Variants in MICAL3 observed in about 807,000 individuals in gnomAD.
MICAL3 encodes the protein [F-actin]-monooxygenase MICAL3.
In MICAL3, 62 loss-of-function variants were observed where a neutral mutation model predicts 207.4. That is an observed-to-expected ratio of 0.30 (90% CI 0.24 to 0.37). The LOEUF (loss-of-function observed/expected upper bound fraction) is 0.37. MICAL3 is among the 10% of genes least tolerant of loss of function. The pLI is 1.00. For missense variants in MICAL3, 2,368 were observed against 2,635.6 expected (o/e 0.90, Z 2.22); for synonymous variants, 1,077 against 1,069.3 (o/e 1.01, Z -0.14).
At chr22:17,857,189 C>T (rs1267650294) in intron 19 of MICAL3, among the ~76,000 whole-genome samples, 2 of 152,186 alleles carry the variant, frequency 1.3e-5, no homozygotes, top group Non-Finnish European at 2.9e-5. Context: ...CATAGACCCA[C>T]CGCCTGTCAG....
At chr22:18,017,759 T>C (rs919979776) in intron 1 of MICAL3, among the ~76,000 whole-genome samples, 10 of 145,426 alleles carry the variant, frequency 6.9e-5, no homozygotes, top group Non-Finnish European at 1.2e-4. Flanking sequence ...CTAATTTTTT[T>C]TTTTTTTTTG....
Position 17,796,105 on chromosome 22 carries a change from C to G in MICAL3, c.5651-4804G>C, listed in dbSNP as rs1300138623. On this transcript the variant is annotated intron_variant, in intron 29 of 31. Coordinates refer to ENST00000441493, the MANE Select transcript of MICAL3 (RefSeq NM_015241.3). This position sits in a 1 kb window ranked among gnomAD's most constrained non-coding sequence, Gnocchi z 4.4. Reference sequence around the variant, plus strand: ...CCACTTCTCAAAGCACTCCTGCGTGCCCTGGGCGCTGGCCACCCCTCCTGA... The same window carrying G: ...CCACTTCTCAAAGCACTCCTGCGTGGCCTGGGCGCTGGCCACCCCTCCTGA... Among the ~76,000 whole-genome samples, 1 of 152,208 alleles carries G rather than the reference C, an allele frequency of 6.6e-6. No homozygotes were observed. The highest frequency in any genetic ancestry group is 1.5e-5 in the Non-Finnish European group (1 of 68,030).
intron 1 of MICAL3, among the ~76,000 whole-genome samples, chr22:18,003,551 G>T (rs775030430): frequency 3.9e-5 from 6 of 152,096 alleles, no homozygotes; most frequent in Non-Finnish European, 7.4e-5. Flanking sequence ...ATGGCCAATT[G>T]TGCTTTCATC....
intron 19 of MICAL3, among the ~76,000 whole-genome samples, chr22:17,846,626 T>C (rs1924659212): frequency 6.6e-6 from 1 of 152,150 alleles, no homozygotes; most frequent in African/African-American, 2.4e-5. Context: ...AACAAGCGCT[T>C]TGCAAGGTGC....
At chr22:17,945,828 A>C (rs1449216610) in intron 1 of MICAL3, among the ~76,000 whole-genome samples, 1 of 152,154 alleles carries the variant, frequency 6.6e-6, no homozygotes, top group Non-Finnish European at 1.5e-5. Context: ...TTTAGCAGGA[A>C]GACTGAGACA....
At chr22:17,832,974 C>A (rs1484991548) in intron 20 of MICAL3, among the ~76,000 whole-genome samples, 1 of 152,186 alleles carries the variant, frequency 6.6e-6, no homozygotes, top group Non-Finnish European at 1.5e-5. Flanking sequence ...ACCTCCAACC[C>A]CAGGGCCATC....
At chr22:17,959,420 T>A (rs1934793427) in intron 1 of MICAL3, among the ~76,000 whole-genome samples, 1 of 151,930 alleles carries the variant, frequency 6.6e-6, no homozygotes, top group Non-Finnish European at 1.5e-5. Context: ...GTTCAAGCGA[T>A]TCTCCTGCCT....
intron 16 of MICAL3, among the ~76,000 whole-genome samples, chr22:17,874,167 C>T (rs1928019828): frequency 6.6e-6 from 1 of 152,202 alleles, no homozygotes; most frequent in Non-Finnish European, 1.5e-5. Context: ...GCAATTATAG[C>T]TTTTAATTCA....
intron 1 of MICAL3, among the ~76,000 whole-genome samples, chr22:17,986,692 C>T (rs1163871753): frequency 6.6e-6 from 1 of 152,190 alleles, no homozygotes; most frequent in Non-Finnish European, 1.5e-5. Flanking sequence ...TCTCATCACG[C>T]ACAGAATGCC....
chr22:17,919,956 C>T (rs765286811), intron 1 of MICAL3, among the ~76,000 whole-genome samples: 8 of 152,194 alleles, frequency 5.3e-5, no homozygotes, highest in Non-Finnish European at 2.9e-5. Flanking sequence ...ACCCCAGAGA[C>T]GAGTGAAGGA....
At chr22:17,868,458 C>T (rs766881542) in intron 17 of MICAL3, among the ~76,000 whole-genome samples, 3 of 152,184 alleles carry the variant, frequency 2.0e-5, no homozygotes, top group Non-Finnish European at 4.4e-5. Flanking sequence ...TCTTTCTCAG[C>T]GAGGAACAGG....
At chr22:18,008,489 C>G (rs1243545327) in intron 1 of MICAL3, among the ~76,000 whole-genome samples, 1 of 152,184 alleles carries the variant, frequency 6.6e-6, no homozygotes, top group Non-Finnish European at 1.5e-5. Flanking sequence ...TGGTTTAGAA[C>G]AAATTGATTC....
At chr22:17,874,338 G>T (rs528074859) in intron 16 of MICAL3, among the ~76,000 whole-genome samples, 1 of 152,264 alleles carries the variant, frequency 6.6e-6, no homozygotes, top group South Asian at 2.1e-4. Context: ...GAGCTGAGCA[G>T]GTAACTTAAC....
At chr22:17,935,767 A>G (rs538444248) in intron 1 of MICAL3, among the ~76,000 whole-genome samples, 42 of 152,360 alleles carry the variant, frequency 2.8e-4, no homozygotes, top group African/African-American at 9.9e-4. Flanking sequence ...TGGGCAAAGA[A>G]TATGAACAGA....
At chr22:17,834,798 T>C (rs1923188569) in intron 20 of MICAL3, among the ~76,000 whole-genome samples, 1 of 152,260 alleles carries the variant, frequency 6.6e-6, no homozygotes, top group Admixed American at 6.5e-5. Context: ...TGTGTTTTCA[T>C]TAATTTACTT....
At chr22:18,022,183 G>C (rs920881158) in intron 1 of MICAL3, among the ~76,000 whole-genome samples, 1 of 152,028 alleles carries the variant, frequency 6.6e-6, no homozygotes, top group Admixed American at 6.6e-5. Flanking sequence ...AGAAGGCAAG[G>C]GTTAGAGGAA....
At chr22:17,962,043 A>G (rs150245375) in intron 1 of MICAL3, among the ~76,000 whole-genome samples, 14 of 152,362 alleles carry the variant, frequency 9.2e-5, no homozygotes, top group African/African-American at 3.1e-4. Flanking sequence ...TGAGGCAAAG[A>G]TAGGAAAGTG....
Position 17,790,791 on chromosome 22 carries a change from C to G in MICAL3, c.5950G>C (p.Glu1984Gln). The G allele has an allele frequency of 6.2e-7, 1 of 1,613,028 alleles. No homozygotes were observed. Among genetic ancestry groups the G allele is most frequent in the South Asian group, 1.1e-5 (1 of 90,928 alleles). The change falls in exon 32 of 32, where the codon GAG becomes CAG. Residue 1984 changes from glutamate (E) to glutamine (Q), a missense_variant. Glu to Gln is a conservative substitution (Grantham distance 29). Transcript: ENST00000441493. ...LEEQRLRERE[E>Q]DKDLEAAMLS... ...ATGGCAGCCTCCAGGTCCTTGTCCT[C>G]CTCTCTCTCCCGGAGCCGCTGCTCC...
At chr22:17,995,001 A>G (rs1873721727) in intron 1 of MICAL3, among the ~76,000 whole-genome samples, 2 of 152,040 alleles carry the variant, frequency 1.3e-5, no homozygotes, top group South Asian at 2.1e-4. Context: ...CATAACACAC[A>G]TGCACTCTGA....
Sources: gnomAD v4.1 joint callset for allele counts (sites outside exome capture counted in the v4.1 genomes callset) on GRCh38, gnomAD v4.1.1 for gene constraint, Gnocchi (gnomAD v3.1) non-coding constraint, MANE v1.5 for transcripts, NCBI Gene and HGNC (gene_info 2026-07-23, HGNC 2026-07-21) for gene names.